Variants in DPP10 observed in about 807,000 individuals in gnomAD.
DPP10 encodes dipeptidyl peptidase like 10, also known as inactive dipeptidyl peptidase 10.
A neutral mutation model predicts 120.9 loss-of-function variants in DPP10; 33 were observed. The observed-to-expected ratio is 0.27, with a 90% confidence interval of 0.21 to 0.37. The LOEUF (loss-of-function observed/expected upper bound fraction) is 0.37. Ranked by LOEUF, DPP10 falls within the 10% of genes least tolerant of loss-of-function variation. DPP10 has a pLI of 1.00. For missense variants in DPP10, 816 were observed against 942.8 expected (o/e 0.87, Z 1.76); for synonymous variants, 337 against 326.1 (o/e 1.03, Z -0.36).
At chr2:114,942,312 T>C (rs1462893172) in intron 1 of DPP10, among the ~76,000 whole-genome samples, 3 of 125,642 alleles carry the variant, frequency 2.4e-5, no homozygotes, top group African/African-American at 5.9e-5. Flanking sequence ...TATATATATA[T>C]ATATATATAC....
intron 1 of DPP10, among the ~76,000 whole-genome samples, chr2:115,014,007 A>G (rs922729824): frequency 6.6e-6 from 1 of 152,216 alleles, no homozygotes; most frequent in African/African-American, 2.4e-5. Flanking sequence ...GTAGACATCT[A>G]CAGAACTCTC....
At chr2:114,652,490 G>T (rs1403120065) in intron 1 of DPP10, among the ~76,000 whole-genome samples, 1 of 152,190 alleles carries the variant, frequency 6.6e-6, no homozygotes, top group Non-Finnish European at 1.5e-5. Context: ...CCTGTAGAAT[G>T]TGTTTGGAGA....
chr2:115,674,140 G>A lies in DPP10; in HGVS notation c.442-15547G>A, dbSNP rs552022701. ...CTTGGGAGGCTAAGGCAGGAGAATC[G>A]CTTGAACCTGGGAGGCAGAGGTTGC... is the stretch of plus-strand genomic sequence containing the variant. On this transcript the variant is annotated intron_variant, in intron 5 of 25. Transcript: ENST00000410059. Among the ~76,000 whole-genome samples, 57 of 152,158 alleles carry A rather than the reference G, an allele frequency of 3.7e-4. 1 individual carries two copies. The highest frequency in any genetic ancestry group is 1.2e-3 in the African/African-American group (49 of 41,532).
At chr2:114,583,330 C>T (rs1690695298) in intron 1 of DPP10, among the ~76,000 whole-genome samples, 1 of 152,176 alleles carries the variant, frequency 6.6e-6, no homozygotes, top group African/African-American at 2.4e-5. Context: ...CAGAAATGTT[C>T]TTCCAAAAGC....
chr2:114,859,310 G>C (rs1278639320), intron 1 of DPP10, among the ~76,000 whole-genome samples: 1 of 150,770 alleles, frequency 6.6e-6, no homozygotes, highest in Non-Finnish European at 1.5e-5. Context: ...GAAGCTAGCA[G>C]CGAGCCAAGA....
chr2:114,583,208 C>A (rs1014275769), intron 1 of DPP10, among the ~76,000 whole-genome samples: 1 of 152,122 alleles, frequency 6.6e-6, no homozygotes, highest in East Asian at 1.9e-4. Flanking sequence ...CTTGGAATTG[C>A]GTTTTCTAGG....
intron 1 of DPP10, among the ~76,000 whole-genome samples, chr2:115,301,179 G>A (rs915954403): frequency 1.3e-5 from 2 of 151,842 alleles, no homozygotes; most frequent in African/African-American, 2.4e-5. Context: ...CTGCTTCTTC[G>A]TGAAATCTTG....
chr2:115,480,662 G>C (rs142084073), intron 3 of DPP10, among the ~76,000 whole-genome samples: 1 of 152,256 alleles, frequency 6.6e-6, no homozygotes, highest in African/African-American at 2.4e-5. Context: ...AGGATCTGCA[G>C]ACTGTGGCTC....
chr2:115,806,899 A>C (rs965947487), intron 19 of DPP10, among the ~76,000 whole-genome samples: 1 of 152,076 alleles, frequency 6.6e-6, no homozygotes, highest in Non-Finnish European at 1.5e-5. Flanking sequence ...TCATATCCAA[A>C]GTGGACCTGC....
intron 3 of DPP10, among the ~76,000 whole-genome samples, chr2:115,397,982 CAT>C (rs1260932111): frequency 1.3e-5 from 2 of 152,078 alleles, no homozygotes; most frequent in African/African-American, 2.4e-5. Context: ...GGCAACATCA[CAT>C]AGAAAAAATG....
At chr2:115,598,793 T>C (rs1042311977) in intron 5 of DPP10, among the ~76,000 whole-genome samples, 5 of 144,724 alleles carry the variant, frequency 3.5e-5, no homozygotes, top group African/African-American at 1.3e-4. Context: ...AATTTCCTAG[T>C]TTCTCTTCAG....
chr2:115,017,229 TA>T lies in DPP10; in HGVS notation c.61-292001del, dbSNP rs557289445. Among the ~76,000 whole-genome samples, 102 of 141,690 alleles carry T rather than the reference TA, an allele frequency of 7.2e-4. 1 individual carries two copies. The South Asian group carries it at 0.019, about 27-fold the overall frequency. The allele number at this position is 141,690 out of a possible 152,430, so 93.0% of individuals were successfully genotyped here. On this transcript the variant is annotated intron_variant, in intron 1 of 25. Coordinates refer to ENST00000410059, the MANE Select transcript of DPP10 (RefSeq NM_020868.6). The stretch of plus-strand genomic sequence containing the variant: ...TAATAATAATAAAATTTAAAAAAAT[TA>T]AAAAAAAAGAAAGAAAAAAAAATGC...
chr2:114,555,973 C>A (rs1430115), intron 1 of DPP10, among the ~76,000 whole-genome samples: 19 of 152,030 alleles, frequency 1.2e-4, no homozygotes, highest in South Asian at 4.2e-4. Context: ...AAGAGAGAGC[C>A]AGGAGCCAGA....
chr2:114,950,385 C>T (rs554189517), intron 1 of DPP10, among the ~76,000 whole-genome samples: 1 of 149,700 alleles, frequency 6.7e-6, no homozygotes, highest in East Asian at 2.0e-4. Flanking sequence ...AGCTCCGCCT[C>T]CTGGGTTCAT....
intron 7 of DPP10, among the ~76,000 whole-genome samples, chr2:115,724,992 C>T (rs771916618): frequency 1.3e-5 from 2 of 152,144 alleles, no homozygotes; most frequent in Non-Finnish European, 1.5e-5. Context: ...TGCCCATGAC[C>T]TAAACACCTC....
At chr2:114,581,625 T>A (rs1056141987) in intron 1 of DPP10, among the ~76,000 whole-genome samples, 1 of 152,230 alleles carries the variant, frequency 6.6e-6, no homozygotes, top group Non-Finnish European at 1.5e-5. Flanking sequence ...TGGCCTTTTA[T>A]AGTTACTCTT....
intron 5 of DPP10, among the ~76,000 whole-genome samples, chr2:115,539,074 C>A (rs1007416832): frequency 6.6e-6 from 1 of 151,510 alleles, no homozygotes; most frequent in Non-Finnish European, 1.5e-5. Context: ...CAGTGCTGCT[C>A]GGTGGATACA....
chr2:115,078,472 TTA>T (rs1707974849), intron 1 of DPP10, among the ~76,000 whole-genome samples: 3 of 152,178 alleles, frequency 2.0e-5, no homozygotes, highest in Admixed American at 6.5e-5. Flanking sequence ...AGTGGTTCCA[TTA>T]TATGTTTTAA....
At chr2:115,180,386 C>G (rs1479355311) in intron 1 of DPP10, among the ~76,000 whole-genome samples, 1 of 152,150 alleles carries the variant, frequency 6.6e-6, no homozygotes, top group African/African-American at 2.4e-5. Flanking sequence ...TCACTACTTA[C>G]ATATTCGTAC....
Sources: gnomAD v4.1 joint callset for allele counts (sites outside exome capture counted in the v4.1 genomes callset) on GRCh38, gnomAD v4.1.1 for gene constraint, MANE v1.5 for transcripts, NCBI Gene and HGNC (gene_info 2026-07-23, HGNC 2026-07-21) for gene names.